NME9: variants seen among roughly 807,000 people sequenced by gnomAD.
NME9 encodes NME/NM23 family member 9.
In NME9, 48 loss-of-function variants were observed where a neutral mutation model predicts 44.4. That is an observed-to-expected ratio of 1.08 (90% confidence interval 0.86 to 1.37). The LOEUF (loss-of-function observed/expected upper bound fraction) is 1.37, where lower values mean the gene tolerates loss of function less well. NME9 is among the 40% of genes most tolerant of loss of function. The pLI is 0.00. For missense variants in NME9, 325 were observed against 405.2 expected (o/e 0.80, Z 1.70); for synonymous variants, 139 against 147.1 (o/e 0.94, Z 0.40).
chr3:138,303,387 C>T, intron 10 of NME9, 120 bp downstream of exon 10: 1 of 681,342 alleles, frequency 1.5e-6, no homozygotes, highest in Non-Finnish European at 2.6e-6. Context: ...CAGAACAGGA[C>T]TGTATTAGGT....
chr3:138,316,189 G>A (rs1166304833), intron 4 of NME9, among the ~76,000 whole-genome samples: 36 of 152,140 alleles, frequency 2.4e-4, no homozygotes, highest in Admixed American at 2.4e-3. Flanking sequence ...TCTAGGCCAT[G>A]CCACTCCTTT....
chr3:138,284,010 G>C (rs1352636131), intron 8 of NME9, among the ~76,000 whole-genome samples: 1 of 152,214 alleles, frequency 6.6e-6, no homozygotes. Flanking sequence ...GCTTCCCTGG[G>C]AGGGGAGTTG....
chr3:138,262,809 C>T (rs2047886753), intron 8 of NME9, among the ~76,000 whole-genome samples: 1 of 152,168 alleles, frequency 6.6e-6, no homozygotes, highest in African/African-American at 2.4e-5. Flanking sequence ...TGGGAACTAC[C>T]TGGTGAGTAC....
intron 8 of NME9, 71 bp from the exon 9 acceptor site, chr3:138,305,098 T>TTCCGTGGGTGAGATGGG: frequency 7.0e-7 from 1 of 1,431,870 alleles, no homozygotes; most frequent in Non-Finnish European, 9.7e-7. Context: ...AGCGAGCCCA[T>TTCCGTGGGTGAGATGGG]CTCACCCACG....
intron 2 of NME9, chr3:138,324,664 G>T: frequency 1.6e-6 from 1 of 641,418 alleles, no homozygotes; most frequent in Non-Finnish European, 2.9e-6. Flanking sequence ...CTCATTTCCT[G>T]AACTGAATTT....
At chr3:138,276,280 A>G (rs954830184) in intron 8 of NME9, among the ~76,000 whole-genome samples, 4 of 152,254 alleles carry the variant, frequency 2.6e-5, no homozygotes, top group Admixed American at 6.5e-5. Context: ...CATACAATTG[A>G]CATACAATAA....
chr3:138,312,936 A>G (rs1338316402), intron 6 of NME9, among the ~76,000 whole-genome samples: 1 of 152,232 alleles, frequency 6.6e-6, no homozygotes, highest in Non-Finnish European at 1.5e-5. Flanking sequence ...TGATTTTTAA[A>G]TGGGCAAAAG....
chr3:138,269,071 A>G (rs1485470168), intron 8 of NME9, among the ~76,000 whole-genome samples: 1 of 152,216 alleles, frequency 6.6e-6, no homozygotes, highest in Non-Finnish European at 1.5e-5. Flanking sequence ...GATTAGGTAC[A>G]TAGTACGAGA....
At chr3:138,273,078 A>G (rs1394283240) in intron 8 of NME9, 4 of 1,613,186 alleles carry the variant, frequency 2.5e-6, no homozygotes, top group Admixed American at 1.7e-5. Context: ...GCTGATGAAG[A>G]CATTGGGACT....
At chr3:138,279,136 C>T (rs988640385) in intron 8 of NME9, among the ~76,000 whole-genome samples, 1 of 151,998 alleles carries the variant, frequency 6.6e-6, no homozygotes, top group African/African-American at 2.4e-5. Context: ...TTGAATATGT[C>T]GGGTGTAGGT....
At chr3:138,308,439 G>T (rs983687691) in intron 6 of NME9, among the ~76,000 whole-genome samples, 6 of 151,980 alleles carry the variant, frequency 3.9e-5, no homozygotes, top group Admixed American at 3.9e-4. Flanking sequence ...ATTCTGTCAG[G>T]TCAAGTTGTT....
chr3:138,263,789 G>A (rs778113002), intron 8 of NME9: 129 of 1,613,896 alleles, frequency 8.0e-5, no homozygotes, highest in Non-Finnish European at 1.0e-4. Context: ...GCTTGTCTGA[G>A]TCTAGTGTCA....
intron 10 of NME9, among the ~76,000 whole-genome samples, chr3:138,303,094 T>TC (rs1438277166): frequency 1.3e-5 from 2 of 152,198 alleles, no homozygotes; most frequent in Admixed American, 1.3e-4. Context: ...TGAGGGCCCT[T>TC]CCGTATAGCT....
chr3:138,327,764 C>T (rs1008229460), intron 1 of NME9, among the ~76,000 whole-genome samples: 9 of 152,188 alleles, frequency 5.9e-5, no homozygotes, highest in East Asian at 1.9e-4. Flanking sequence ...GGAGGCTGCT[C>T]GCTCTCCTCC....
downstream of NME9, chr3:138,297,613 A>T (rs539769207): frequency 1.3e-5 from 2 of 152,332 alleles, no homozygotes; most frequent in East Asian, 3.9e-4. Flanking sequence ...CCTGCTCTCA[A>T]CATGACCACC....
At chr3:138,308,727 G>A (rs1038778527) in intron 6 of NME9, among the ~76,000 whole-genome samples, 8 of 152,152 alleles carry the variant, frequency 5.3e-5, no homozygotes, top group East Asian at 1.9e-4. Flanking sequence ...AAAGTCACAC[G>A]TGTTATATTT....
At chr3:138,296,009 T>C, downstream of NME9, 1 of 1,105,226 alleles carries the variant, frequency 9.0e-7, no homozygotes, top group Non-Finnish European at 1.3e-6. Context: ...AGGGAGCTGT[T>C]TTGCAAAAGC....
chr3:138,270,083 C>T (rs1258946292), intron 8 of NME9: 1 of 1,613,550 alleles, frequency 6.2e-7, no homozygotes, highest in Non-Finnish European at 8.5e-7. Context: ...TGTGGATTAA[C>T]TCAGAGTGAA....
At chr3:138,284,609 T>C in intron 8 of NME9, 2 of 1,032,572 alleles carry the variant, frequency 1.9e-6, no homozygotes, top group Non-Finnish European at 3.0e-6. Context: ...TGCAGAGATT[T>C]TAAAAAGAGG....
Sources: gnomAD v4.1 joint callset for allele counts (sites outside exome capture counted in the v4.1 genomes callset) on GRCh38, gnomAD v4.1.1 for gene constraint, MANE v1.5 for transcripts, NCBI Gene and HGNC (gene_info 2026-07-23, HGNC 2026-07-21) for gene names.